Variants in DDX10 observed in about 807,000 individuals in gnomAD.
DDX10 encodes the protein probable ATP-dependent RNA helicase DDX10.
DDX10 carries 74 observed loss-of-function variants against 104.3 expected under a neutral mutation model. The ratio of observed to expected loss-of-function variants is 0.71; its 90% CI spans 0.59 to 0.86. The LOEUF (loss-of-function observed/expected upper bound fraction) is 0.86, where lower values mean the gene tolerates loss of function less well. Among genes scored for constraint, DDX10 ranks in the 40% least tolerant of loss-of-function variants. The pLI is 0.00. For missense variants in DDX10, 952 were observed against 1,040.0 expected, an observed-to-expected ratio of 0.92 and a Z score of 1.16; for synonymous variants, 351 against 353.4, an observed-to-expected ratio of 0.99 and a Z score of 0.08.
At chr11:108,763,669 G>A (rs2094353334) in intron 13 of DDX10, among the ~76,000 whole-genome samples, 1 of 152,116 alleles carries the variant, frequency 6.6e-6, no homozygotes, top group African/African-American at 2.4e-5. Context: ...AAAGAAAAGT[G>A]GACTTTCTTA....
chr11:108,793,263 G>C (rs1232141855), intron 13 of DDX10, among the ~76,000 whole-genome samples: 1 of 152,114 alleles, frequency 6.6e-6, no homozygotes, highest in East Asian at 1.9e-4. Context: ...ATATCCTGTT[G>C]ACCAAATAGG....
At chr11:108,716,175 A>G (rs2094291049) in intron 11 of DDX10, among the ~76,000 whole-genome samples, 1 of 151,978 alleles carries the variant, frequency 6.6e-6, no homozygotes, top group East Asian at 1.9e-4. Context: ...AGCTCACTAC[A>G]ACCTCTGTCT....
At chr11:108,793,100 G>T (rs1294923138) in intron 13 of DDX10, among the ~76,000 whole-genome samples, 2 of 152,160 alleles carry the variant, frequency 1.3e-5, no homozygotes, top group African/African-American at 4.8e-5. Context: ...GTAGGCAAAG[G>T]CTTCCTAATA....
chr11:108,733,855 C>T (rs2094315212), intron 13 of DDX10, among the ~76,000 whole-genome samples: 1 of 151,976 alleles, frequency 6.6e-6, no homozygotes, highest in Non-Finnish European at 1.5e-5. Flanking sequence ...GGTTTACCTT[C>T]CATGCTACCC....
chr11:108,904,347 G>C lies in DDX10; in HGVS notation c.2305-13526G>C, dbSNP rs1863562156. Reference sequence around the variant, plus strand: ...TTTTTTTGGCAAGATACTCTGTCATGGTTTGTAATTTTTACATTTGTAGGA... The same window carrying C: ...TTTTTTTGGCAAGATACTCTGTCATCGTTTGTAATTTTTACATTTGTAGGA... On this transcript the variant is annotated intron_variant, in intron 16 of 17. Coordinates refer to ENST00000322536, the MANE Select transcript of DDX10 (RefSeq NM_004398.4). Among the ~76,000 whole-genome samples the C allele has an allele frequency of 2.0e-5, 3 of 152,118 alleles. No individual in the cohort carries two copies. The South Asian group carries it at 6.2e-4, about 31-fold the overall frequency.
chr11:108,935,465 G>A (rs1864025099), intron 17 of DDX10, among the ~76,000 whole-genome samples: 2 of 152,164 alleles, frequency 1.3e-5, no homozygotes, highest in Admixed American at 1.3e-4. Flanking sequence ...ACCAAGTGGT[G>A]CTTGACAGAG....
In DDX10 at chr11:108,678,439, A is replaced by G; in HGVS notation, c.658+4A>G. 1 of 1,568,286 alleles carries G rather than the reference A, an allele frequency of 6.4e-7. No homozygotes were observed. The highest frequency in any genetic ancestry group is 8.6e-7 in the Non-Finnish European group (1 of 1,163,334). On this transcript the variant is annotated splice_donor_region_variant and intron_variant, in intron 5 of 17. Coordinates refer to ENST00000322536, the MANE Select transcript of DDX10 (RefSeq NM_004398.4). ...GCTACCGACCTCCAAATGTTAGGTGAGTCAAATCAATTTCTAATTTAAAAA... is the reference window on the plus strand; with the variant it reads ...GCTACCGACCTCCAAATGTTAGGTGGGTCAAATCAATTTCTAATTTAAAAA...
chr11:108,719,230 A>G (rs1408665383), intron 11 of DDX10, among the ~76,000 whole-genome samples: 1 of 151,860 alleles, frequency 6.6e-6, no homozygotes, highest in African/African-American at 2.4e-5. Flanking sequence ...AAATCTCAAT[A>G]TGTAAAATTT....
At chr11:108,842,894 T>G in intron 15 of DDX10, among the ~76,000 whole-genome samples, 1 of 152,178 alleles carries the variant, frequency 6.6e-6, no homozygotes, top group East Asian at 1.9e-4. Context: ...ATATGAAGGA[T>G]TTACATAAAA....
intron 1 of DDX10, among the ~76,000 whole-genome samples, chr11:108,670,730 ACT>A (rs1277394717): frequency 9.3e-5 from 14 of 151,182 alleles, no homozygotes; most frequent in Non-Finnish European, 1.8e-4. Flanking sequence ...TTGCTGAATG[ACT>A]CTTTGCATCT....
chr11:108,830,223 G>C (rs1443989263), intron 13 of DDX10, among the ~76,000 whole-genome samples: 1 of 152,138 alleles, frequency 6.6e-6, no homozygotes, highest in Non-Finnish European at 1.5e-5. Flanking sequence ...TGTGTCATCT[G>C]TGATTTCTTT....
intron 13 of DDX10, among the ~76,000 whole-genome samples, chr11:108,743,189 G>A (rs901698067): frequency 2.0e-5 from 3 of 152,140 alleles, no homozygotes; most frequent in Non-Finnish European, 2.9e-5. Context: ...CCACAATCAA[G>A]TAGGCTTTAT....
chr11:108,917,029 C>T (rs1182660883), intron 16 of DDX10, among the ~76,000 whole-genome samples: 1 of 151,746 alleles, frequency 6.6e-6, no homozygotes, highest in Non-Finnish European at 1.5e-5. Context: ...TTAGAAGACC[C>T]ATCACTACAA....
chr11:108,770,585 T>G (rs2094361881), intron 13 of DDX10, among the ~76,000 whole-genome samples: 1 of 151,322 alleles, frequency 6.6e-6, no homozygotes, highest in South Asian at 2.1e-4. Context: ...GTTTTGATTT[T>G]TAGATCCTAC....
intron 9 of DDX10, among the ~76,000 whole-genome samples, chr11:108,701,675 CTTTTTTTTT>C (rs55916940): frequency 3.1e-4 from 24 of 77,424 alleles, no homozygotes; most frequent in South Asian, 3.0e-3. Flanking sequence ...TTCTTCTTCT[CTTTTTTTTT>C]TTTTTTTTTT....
chr11:108,801,889 T>C (rs1862025872), intron 13 of DDX10, among the ~76,000 whole-genome samples: 1 of 152,014 alleles, frequency 6.6e-6, no homozygotes, highest in Admixed American at 6.6e-5. Flanking sequence ...CTTTTTAAAA[T>C]ACAACATTGG....
At position 108,793,336 on chromosome 11, in the gene DDX10, A is replaced by T. The variant is rs537189782; in HGVS notation, c.1966-45110A>T. ...CTCTGGTAGATTTCAATGAGACCAGATGCAAATCAGCAAATCTCACTGTTA... is the reference window on the plus strand; with the variant it reads ...CTCTGGTAGATTTCAATGAGACCAGTTGCAAATCAGCAAATCTCACTGTTA... On this transcript the variant is annotated intron_variant, in intron 13 of 17. Coordinates refer to ENST00000322536, the MANE Select transcript of DDX10 (RefSeq NM_004398.4). Among the ~76,000 whole-genome samples the T allele has an allele frequency of 8.5e-5, 13 of 152,332 alleles. No individual in the cohort carries two copies. In the South Asian group the frequency reaches 2.7e-3, roughly 32 times the overall value.
chr11:108,752,323 T>C (rs1205200857), intron 13 of DDX10, among the ~76,000 whole-genome samples: 1 of 152,146 alleles, frequency 6.6e-6, no homozygotes, highest in East Asian at 1.9e-4. Context: ...AATGGTGTCC[T>C]AGTGCATCTG....
intron 13 of DDX10, among the ~76,000 whole-genome samples, chr11:108,832,364 C>G (rs1462858353): frequency 1.3e-5 from 2 of 151,952 alleles, no homozygotes; most frequent in African/African-American, 2.4e-5. Context: ...TCACAAAAAC[C>G]AAATCATAGC....
Sources: allele counts gnomAD v4.1 joint callset (sites outside exome capture counted in the v4.1 genomes callset), GRCh38; gene constraint gnomAD v4.1.1; transcripts MANE v1.5; gene names NCBI Gene and HGNC (gene_info 2026-07-23, HGNC 2026-07-21).